TNRC6C: variants seen among roughly 807,000 people sequenced by gnomAD.
TNRC6C encodes the protein trinucleotide repeat-containing gene 6C protein.
Under a neutral mutation model 153.7 loss-of-function variants are expected in TNRC6C, and 20 were observed. That is an observed-to-expected ratio of 0.13 (90% CI 0.09 to 0.19). The LOEUF (loss-of-function observed/expected upper bound fraction) is 0.19. Ranked by LOEUF, TNRC6C falls within the 10% of genes least tolerant of loss-of-function variation. TNRC6C has a pLI of 1.00. For synonymous variants in TNRC6C, 811 were observed against 841.4 expected (o/e 0.96, Z 0.63); for missense variants, 1,987 against 2,172.0 (o/e 0.91, Z 1.69).
At chr17:78,053,852 C>A (rs111914647) in intron 3 of TNRC6C, among the ~76,000 whole-genome samples, 1 of 152,138 alleles carries the variant, frequency 6.6e-6, no homozygotes, top group East Asian at 1.9e-4. Context: ...GGCAACATAA[C>A]GAGACCCCAT....
intron 9 of TNRC6C, among the ~76,000 whole-genome samples, chr17:78,078,305 G>A (rs2073119434): frequency 6.6e-6 from 1 of 152,186 alleles, no homozygotes; most frequent in Admixed American, 6.5e-5. Flanking sequence ...CTCTCAGGCG[G>A]CTGTTCCCAA....
chr17:77,991,494 A>ATATAT (rs2071249346), intron 1 of TNRC6C, among the ~76,000 whole-genome samples: 6 of 152,184 alleles, frequency 3.9e-5, no homozygotes, highest in Non-Finnish European at 8.8e-5. Flanking sequence ...TGGTCACTTG[A>ATATAT]ATGTGAACAG....
chr17:78,099,118 C>T (rs989435049), intron 17 of TNRC6C, among the ~76,000 whole-genome samples: 81 of 152,106 alleles, frequency 5.3e-4, no homozygotes, highest in African/African-American at 1.7e-3. Context: ...TTTACACCAG[C>T]GTGGGCAACA....
chr17:78,062,918 A>G (rs2072796564), intron 3 of TNRC6C, among the ~76,000 whole-genome samples: 1 of 152,192 alleles, frequency 6.6e-6, no homozygotes, highest in Non-Finnish European at 1.5e-5. Flanking sequence ...GTTTTATACA[A>G]TAAGATAAGC....
At chr17:78,076,575 T>C (rs1427869748) in intron 8 of TNRC6C, among the ~76,000 whole-genome samples, 1 of 152,266 alleles carries the variant, frequency 6.6e-6, no homozygotes, top group African/African-American at 2.4e-5. Context: ...GTTTATTTGC[T>C]AATCTGGCAA....
At position 78,012,670 on chromosome 17, in the gene TNRC6C, C is replaced by T. The variant is rs560063462; in HGVS notation, c.-546+7591C>T. ...AGTATAAGCATTTCATGGCCAGTGG[C>T]GGATAGGGAGCCAGTGCTTCCAGGT... On this transcript the variant is annotated intron_variant, in intron 1 of 19. Transcript: ENST00000301624. Among the ~76,000 whole-genome samples the T allele has an allele frequency of 5.3e-5, 8 of 152,132 alleles. No individual in the cohort carries two copies. In the South Asian group the frequency reaches 6.2e-4, roughly 12 times the overall value.
chr17:78,075,223 G>C lies in TNRC6C; in HGVS notation c.3005G>C (p.Cys1002Ser). Residue 1002 changes from cysteine (C) to serine (S), a missense_variant, in exon 8 of 20, where the codon TGC becomes TCC. By Grantham distance (112) the Cys-to-Ser change is moderately radical (BLOSUM62 -1). Transcript: ENST00000301624. This position sits in a 1 kb window ranked among gnomAD's most constrained non-coding sequence, Gnocchi z 4.2. Reference sequence around the variant, plus strand: ...GGAATGGCCGCCAAGCCCCTCGGCTGCCGCCCGCCAATCTCCAAAGAGTCT... The same window carrying C: ...GGAATGGCCGCCAAGCCCCTCGGCTCCCGCCCGCCAATCTCCAAAGAGTCT... 5 of 1,591,564 alleles carry C rather than the reference G, an allele frequency of 3.1e-6. No individual in the cohort carries two copies. Among genetic ancestry groups the C allele is most frequent in the Non-Finnish European group, 4.3e-6 (5 of 1,169,986 alleles).
At chr17:78,005,006 A>T (rs148826074), upstream of TNRC6C, 498 of 1,180,598 alleles carry the variant, frequency 4.2e-4, 2 homozygotes, top group African/African-American at 6.7e-3. Flanking sequence ...CATTCTACAC[A>T]TTATTCCTAA....
chr17:78,065,742 C>CT (rs1256833942), intron 4 of TNRC6C, among the ~76,000 whole-genome samples: 9 of 152,004 alleles, frequency 5.9e-5, no homozygotes, highest in Admixed American at 5.9e-4. Flanking sequence ...TTGTTTATGC[C>CT]TAAACAACTT....
chr17:78,029,214 A>T (rs1455623174), intron 1 of TNRC6C, among the ~76,000 whole-genome samples: 1 of 152,212 alleles, frequency 6.6e-6, no homozygotes, highest in Non-Finnish European at 1.5e-5. Flanking sequence ...GCTGACACTA[A>T]AATTCAGTAG....
intron 1 of TNRC6C, among the ~76,000 whole-genome samples, chr17:78,020,284 T>C (rs2071807285): frequency 6.6e-6 from 1 of 152,240 alleles, no homozygotes. Context: ...GTGGGTAAAC[T>C]GAGTGTGCCA....
intron 1 of TNRC6C, among the ~76,000 whole-genome samples, chr17:78,024,746 A>G (rs1451517535): frequency 1.3e-5 from 2 of 151,524 alleles, no homozygotes; most frequent in African/African-American, 2.4e-5. Context: ...CACCACCACT[A>G]GTTTCCCATA....
chr17:78,017,647 G>A (rs886794426), intron 1 of TNRC6C, among the ~76,000 whole-genome samples: 2 of 152,220 alleles, frequency 1.3e-5, no homozygotes, highest in Non-Finnish European at 1.5e-5. Context: ...GAACACTGAG[G>A]AGTATCCATC....
At chr17:77,993,862 A>G (rs1050059239) in intron 1 of TNRC6C, among the ~76,000 whole-genome samples, 1 of 152,112 alleles carries the variant, frequency 6.6e-6, no homozygotes, top group Admixed American at 6.5e-5. Flanking sequence ...TCCTGCAGCA[A>G]TATAATCAGT....
chr17:78,080,288 A>T (rs1006371656), intron 10 of TNRC6C, among the ~76,000 whole-genome samples: 5 of 152,170 alleles, frequency 3.3e-5, no homozygotes, highest in Non-Finnish European at 2.9e-5. Flanking sequence ...CTCTACTAAA[A>T]ATACAAAATT....
intron 16 of TNRC6C, among the ~76,000 whole-genome samples, chr17:78,096,126 T>G (rs1049626386): frequency 6.6e-6 from 1 of 152,180 alleles, no homozygotes; most frequent in Non-Finnish European, 1.5e-5. Context: ...GACACCCTTT[T>G]AAAGTAAAGA....
At chr17:78,045,363 T>C (rs1320455911) in intron 2 of TNRC6C, among the ~76,000 whole-genome samples, 1 of 152,170 alleles carries the variant, frequency 6.6e-6, no homozygotes, top group Non-Finnish European at 1.5e-5. Flanking sequence ...ACTTCAGCTA[T>C]TGGGGATGGA....
At chr17:78,094,857 A>G (rs1384009506) in intron 16 of TNRC6C, among the ~76,000 whole-genome samples, 1 of 152,232 alleles carries the variant, frequency 6.6e-6, no homozygotes. Context: ...GGGGTTACAC[A>G]GCTGCTTTTT....
intron 3 of TNRC6C, among the ~76,000 whole-genome samples, chr17:78,055,213 CT>C (rs956856198): frequency 3.3e-5 from 5 of 151,676 alleles, no homozygotes; most frequent in Non-Finnish European, 5.9e-5. Context: ...ATTCTATGAG[CT>C]TTTTTTTTGT....
Sources: gnomAD v4.1 joint callset for allele counts (sites outside exome capture counted in the v4.1 genomes callset) on GRCh38, gnomAD v4.1.1 for gene constraint, Gnocchi (gnomAD v3.1) non-coding constraint, MANE v1.5 for transcripts, NCBI Gene and HGNC (gene_info 2026-07-23, HGNC 2026-07-21) for gene names.